The following NARF variants were observed in gnomAD, a reference collection of about 807,000 sequenced individuals.
NARF encodes the protein iron-only hydrogenase-like protein 2.
In NARF, 41 loss-of-function variants were observed where a neutral mutation model predicts 48.0. The ratio of observed to expected loss-of-function variants is 0.85; its 90% CI spans 0.66 to 1.11. The LOEUF (loss-of-function observed/expected upper bound fraction) is 1.11, where lower values mean the gene tolerates loss of function less well. Ranked by LOEUF, NARF falls within the 50% of genes least tolerant of loss-of-function variation. NARF has a pLI of 0.00. For synonymous variants in NARF, 215 were observed against 225.5 expected (o/e 0.95, Z 0.42); for missense variants, 613 against 590.2 (o/e 1.04, Z -0.40).
At position 82,471,791 on chromosome 17, in the gene NARF, C is replaced by CAAAAAAAAAAAAAAAAAAAA. The variant is rs58302009; in HGVS notation, c.386-757_386-756insAAAAAAAAAAAAAAAAAAAA. 9.9e-4 allele frequency among the ~76,000 whole-genome samples: 64 copies of CAAAAAAAAAAAAAAAAAAAA among 64,444 alleles called. 2 individuals carry two copies. Among genetic ancestry groups the CAAAAAAAAAAAAAAAAAAAA allele is most frequent in the East Asian group, 8.5e-3 (8 of 944 alleles). 42.3% of individuals were successfully genotyped at this position (64,444 alleles called of 152,430 possible). A position where few individuals can be genotyped will look rare whatever the true frequency, so the allele number is the denominator to read the frequency against. On this transcript the variant is annotated intron_variant, in intron 4 of 10. Coordinates refer to ENST00000309794, the MANE Select transcript of NARF (RefSeq NM_012336.4). ...TGCGCGAAAGAGTGAGACTCCGTCTCAAAAAAAAAAAAAAAAGTATGCCCA... is the reference window on the plus strand; with the variant it reads ...TGCGCGAAAGAGTGAGACTCCGTCTCAAAAAAAAAAAAAAAAAAAAAAAAAAAAAAAAAAAAGTATGCCCA...
In NARF at chr17:82,487,898, C is replaced by G; in HGVS notation, c.1130-18C>G. 2 of 1,611,476 alleles carry G rather than the reference C, an allele frequency of 1.2e-6. No homozygotes were observed. Among genetic ancestry groups the G allele is most frequent in the Non-Finnish European group, 1.7e-6 (2 of 1,178,180 alleles). ...ATCGCCTGAGCCCAGGATAAACTTA[C>G]CTGTGTTTATCTTTCAGGATGCTTA... On this transcript the variant is annotated intron_variant, in intron 10 of 10. Transcript: ENST00000309794.
intron 4 of NARF, among the ~76,000 whole-genome samples, chr17:82,470,501 TTTG>T (rs1225720004): frequency 6.6e-6 from 1 of 152,136 alleles, no homozygotes; most frequent in Non-Finnish European, 1.5e-5. Flanking sequence ...TATTTCTTTT[TTTG>T]TTGTTCTTGA....
intron 5 of NARF, among the ~76,000 whole-genome samples, chr17:82,472,929 A>T (rs1175968697): frequency 6.7e-6 from 1 of 150,242 alleles, no homozygotes; most frequent in East Asian, 1.9e-4. Context: ...TATTTATTTA[A>T]TTTTATTTTA....
chr17:82,465,504 G>A (rs2043543862), intron 3 of NARF, among the ~76,000 whole-genome samples: 1 of 152,168 alleles, frequency 6.6e-6, no homozygotes, highest in Non-Finnish European at 1.5e-5. Flanking sequence ...ATAGGGGACA[G>A]CCAAGGAGCC....
intron 9 of NARF, among the ~76,000 whole-genome samples, 196 bp from the exon 10 acceptor site, chr17:82,485,301 G>C (rs2044072058): frequency 6.6e-6 from 1 of 151,950 alleles, no homozygotes; most frequent in Non-Finnish European, 1.5e-5. Flanking sequence ...AGCGCCTATA[G>C]TCCCAGCTAC....
At chr17:82,486,873 G>T (rs1567948378) in intron 10 of NARF, among the ~76,000 whole-genome samples, 1 of 152,196 alleles carries the variant, frequency 6.6e-6, no homozygotes, top group Non-Finnish European at 1.5e-5. Flanking sequence ...CATCTAACAC[G>T]TTGGAGAGTA....
At chr17:82,486,872 C>T (rs188672147) in intron 10 of NARF, among the ~76,000 whole-genome samples, 5 of 152,274 alleles carry the variant, frequency 3.3e-5, no homozygotes, top group East Asian at 3.9e-4. Flanking sequence ...TCATCTAACA[C>T]GTTGGAGAGT....
chr17:82,485,032 C>T (rs192507990), intron 9 of NARF, 82 bp downstream of exon 9: 10 of 1,445,920 alleles, frequency 6.9e-6, no homozygotes, highest in South Asian at 4.6e-5. Context: ...GTGCATGTGG[C>T]GGTTCTATGG....
chr17:82,464,951 A>C (rs1394484892), intron 3 of NARF, among the ~76,000 whole-genome samples: 2 of 152,212 alleles, frequency 1.3e-5, no homozygotes, highest in African/African-American at 2.4e-5. Context: ...AGGTTGTATT[A>C]GTCCATTCTC....
chr17:82,466,474 A>T (rs2043570780), intron 3 of NARF, among the ~76,000 whole-genome samples: 1 of 151,884 alleles, frequency 6.6e-6, no homozygotes, highest in Admixed American at 6.6e-5. Context: ...CTTTTCTGAG[A>T]TGGAGTCTCT....
intron 3 of NARF, among the ~76,000 whole-genome samples, chr17:82,467,110 G>C (rs1023076013): frequency 6.6e-6 from 1 of 150,784 alleles, no homozygotes; most frequent in East Asian, 2.0e-4. Flanking sequence ...GCAGTGGCAC[G>C]ATCTTGGCTA....
intron 4 of NARF, among the ~76,000 whole-genome samples, chr17:82,471,365 G>A (rs1046381164): frequency 4.1e-4 from 61 of 148,786 alleles, no homozygotes; most frequent in African/African-American, 1.4e-3. Context: ...CGAAGCAGGA[G>A]AATGGTGTGA....
chr17:82,458,625 T>G, upstream of NARF: 1 of 739,780 alleles, frequency 1.4e-6, no homozygotes, highest in Non-Finnish European at 2.0e-6. Context: ...GGGAATCCTA[T>G]TGGCCCAGGG....
At chr17:82,483,819 AC>A in intron 8 of NARF, 40 bp downstream of exon 8, 1 of 1,592,512 alleles carries the variant, frequency 6.3e-7, no homozygotes, top group Non-Finnish European at 8.6e-7. Flanking sequence ...GGGGGGCAGG[AC>A]CTCTCGTCAG....
chr17:82,488,412 G>A lies in NARF; in HGVS notation c.*255G>A, dbSNP rs1401982997. 2 of 427,546 alleles carry A rather than the reference G, an allele frequency of 4.7e-6. No homozygotes were observed. The highest frequency in any genetic ancestry group is 4.3e-5 in the Admixed American group (1 of 23,058). The allele number at this position is 427,546 out of a possible 1,614,324, so 26.5% of individuals were successfully genotyped here. A position where few individuals can be genotyped will look rare whatever the true frequency, so the allele number is the denominator to read the frequency against. ...TTTTTTTGAGACGGAGTCTCACTCT[G>A]TCACCCAGGCTGGAGTGCAATGGCG... On this transcript the variant is annotated 3_prime_UTR_variant, in exon 11 of 11. Transcript: ENST00000309794.
intron 3 of NARF, among the ~76,000 whole-genome samples, chr17:82,464,713 G>C (rs1457670828): frequency 6.6e-6 from 1 of 152,236 alleles, no homozygotes; most frequent in Non-Finnish European, 1.5e-5. Context: ...GGTGAGGTCA[G>C]GTAACACGGG....
intron 2 of NARF, 41 bp downstream of exon 2, chr17:82,460,113 T>C: frequency 6.5e-7 from 1 of 1,538,850 alleles, no homozygotes; most frequent in Non-Finnish European, 9.0e-7. Context: ...CAGAGTAAAC[T>C]ACTGCTGCTG....
intron 5 of NARF, among the ~76,000 whole-genome samples, chr17:82,472,933 T>A (rs561494192): frequency 5.1e-4 from 78 of 151,980 alleles, no homozygotes; most frequent in African/African-American, 8.9e-4. Context: ...TATTTAATTT[T>A]ATTTTATTTT....
At chr17:82,487,778 C>A in intron 10 of NARF, 138 bp from the exon 11 acceptor site, 1 of 543,482 alleles carries the variant, frequency 1.8e-6, no homozygotes, top group Non-Finnish European at 3.3e-6. Context: ...CAACACCCGC[C>A]CCTCCCGCCC....
Sources: gnomAD v4.1 joint callset for allele counts (sites outside exome capture counted in the v4.1 genomes callset) on GRCh38, gnomAD v4.1.1 for gene constraint, MANE v1.5 for transcripts, NCBI Gene and HGNC (gene_info 2026-07-23, HGNC 2026-07-21) for gene names.